Variants in GRIK3 observed in about 807,000 individuals in gnomAD.
The protein encoded by GRIK3 is glutamate ionotropic receptor kainate type subunit 3, also known as glutamate receptor ionotropic, kainate 3.
In GRIK3, 29 loss-of-function variants were observed where a neutral mutation model predicts 102.5. The ratio of observed to expected loss-of-function variants is 0.28; its 90% CI spans 0.21 to 0.39. The LOEUF is 0.39. GRIK3 is among the 10% of genes least tolerant of loss of function. The probability of loss-of-function intolerance (pLI) is 1.00; values close to 1 mark genes in which losing one functional copy is unlikely to be tolerated. For synonymous variants in GRIK3, 511 were observed against 504.9 expected, an observed-to-expected ratio of 1.01 and a Z score of -0.16; for missense variants, 908 against 1,252.4, an observed-to-expected ratio of 0.73 and a Z score of 4.15.
At chr1:36,853,573 C>A in intron 8 of GRIK3, 42 bp downstream of exon 8, 1 of 1,300,008 alleles carries the variant, frequency 7.7e-7, no homozygotes, top group Non-Finnish European at 1.1e-6. Context: ...TTTAAGAAGC[C>A]CCTGCTCCTC....
At position 36,880,645 on chromosome 1, in the gene GRIK3, T is replaced by C. The variant is rs758034243; in HGVS notation, c.539A>G (p.Asp180Gly). The C allele has an allele frequency of 3.1e-6, 5 of 1,614,118 alleles. No homozygotes were observed. In the Admixed American group the frequency reaches 5.0e-5, roughly 16 times the overall value. ...LKWRSATVVYDDSTGLIRLQE... is the reference protein window; with the variant it reads ...LKWRSATVVYGDSTGLIRLQE... ...GCCTGGCCACCCACCTGTACTGTCG[T>C]CATAGACCACGGTGGCTGACCGCCA... Residue 180 changes from aspartate to glycine, a missense_variant, in exon 3 of 16, where the codon GAC becomes GGC. Transcript: ENST00000373091. The surrounding 1 kb of genome is among the most constrained non-coding windows in gnomAD (Gnocchi z 5.4).
intron 1 of GRIK3, among the ~76,000 whole-genome samples, chr1:37,006,257 G>T (rs1642531955): frequency 6.6e-6 from 1 of 152,224 alleles, no homozygotes; most frequent in Non-Finnish European, 1.5e-5. Context: ...GTTGACTGGG[G>T]CAGAGCTTCT....
Position 36,819,897 on chromosome 1 carries a change from G to A in GRIK3, c.1755-43C>T. 1.0e-6 allele frequency: 1 copy of A among 1,001,442 alleles called. No individual in the cohort carries two copies. The highest frequency in any genetic ancestry group is 1.9e-5 in the Admixed American group (1 of 51,896). The allele number at this position is 1,001,442 out of a possible 1,614,324, so 62.0% of individuals were successfully genotyped here. ...GGACAGTCAGCCTGGGAAGCAAGGGGCATCCACGCCCCAGCAGGCAGTGGT... is the reference window on the plus strand; with the variant it reads ...GGACAGTCAGCCTGGGAAGCAAGGGACATCCACGCCCCAGCAGGCAGTGGT... On this transcript the variant is annotated intron_variant, in intron 11 of 15. Coordinates refer to ENST00000373091, the MANE Select transcript of GRIK3 (RefSeq NM_000831.4). This position sits in a 1 kb window ranked among gnomAD's most constrained non-coding sequence, Gnocchi z 4.1.
intron 1 of GRIK3, among the ~76,000 whole-genome samples, chr1:37,028,851 G>A (rs866275782): frequency 1.3e-5 from 2 of 152,220 alleles, no homozygotes; most frequent in Admixed American, 6.5e-5. Flanking sequence ...TCTGTAGGTT[G>A]TGAAGGCTAC....
chr1:36,976,769 A>AGTCCCAAAGCACCAGAGCT (rs753978930), intron 1 of GRIK3, among the ~76,000 whole-genome samples: 2 of 152,142 alleles, frequency 1.3e-5, no homozygotes, highest in Admixed American at 6.5e-5. Context: ...ATACCAGCAC[A>AGTCCCAAAGCACCAGAGCT]GTCCCAAAGC....
At chr1:36,915,404 T>C (rs921878636) in intron 1 of GRIK3, among the ~76,000 whole-genome samples, 1 of 152,174 alleles carries the variant, frequency 6.6e-6, no homozygotes, top group African/African-American at 2.4e-5. Context: ...TCAATAAACA[T>C]TTCTCAAATA....
chr1:36,950,299 T>G (rs142013225), intron 1 of GRIK3, among the ~76,000 whole-genome samples: 1 of 152,340 alleles, frequency 6.6e-6, no homozygotes, highest in East Asian at 1.9e-4. Flanking sequence ...ACAAAATGCA[T>G]GTCCATTGAA....
Position 36,806,112 on chromosome 1 carries a change from G to A in GRIK3, c.2306C>T (p.Thr769Met), listed in dbSNP as rs763515718. ...GGCAGCCCCTCGCTCACCCATGGGC[G>A]TGCCGATGCCGTAGCCCTTGGAGTC... The part of the protein sequence containing the change: ...LIDSKGYGIG[T>M]PMGSPYRDKI... The change falls in exon 14 of 16, where the codon ACG (threonine) becomes ATG (methionine). Residue 769 changes from threonine (T) to methionine (M), a missense_variant. Thr to Met is a moderately conservative substitution (Grantham distance 81). Coordinates refer to ENST00000373091, the MANE Select transcript of GRIK3 (RefSeq NM_000831.4). The surrounding 1 kb of genome is among the most constrained non-coding windows in gnomAD (Gnocchi z 4.0). 1.1e-5 allele frequency: 18 copies of A among 1,612,660 alleles called. No homozygotes were observed. The highest frequency in any genetic ancestry group is 1.1e-4 in the East Asian group (5 of 44,852).
At chr1:36,993,489 A>C (rs1457411907) in intron 1 of GRIK3, among the ~76,000 whole-genome samples, 1 of 152,212 alleles carries the variant, frequency 6.6e-6, no homozygotes, top group Non-Finnish European at 1.5e-5. Flanking sequence ...TTTTCAATAA[A>C]GCAGGACATT....
chr1:36,856,032 C>T (rs750465977), intron 7 of GRIK3, among the ~76,000 whole-genome samples: 29 of 152,222 alleles, frequency 1.9e-4, no homozygotes, highest in Non-Finnish European at 3.7e-4. Context: ...GTCGGGGAAG[C>T]TTACATGGTG....
chr1:36,917,459 G>C (rs1177451088), intron 1 of GRIK3, among the ~76,000 whole-genome samples: 1 of 152,168 alleles, frequency 6.6e-6, no homozygotes, highest in Non-Finnish European at 1.5e-5. Flanking sequence ...ATATGGTTTG[G>C]CTGTGTCCCC....
intron 1 of GRIK3, among the ~76,000 whole-genome samples, chr1:36,970,796 C>T (rs1026823888): frequency 1.3e-5 from 2 of 152,182 alleles, no homozygotes; most frequent in Non-Finnish European, 2.9e-5. Flanking sequence ...CACAGATTGC[C>T]CTGCAATGTC....
chr1:36,960,189 C>A (rs1037656574), intron 1 of GRIK3, among the ~76,000 whole-genome samples: 2 of 149,148 alleles, frequency 1.3e-5, no homozygotes, highest in Non-Finnish European at 3.0e-5. Context: ...GAGTCTGTGC[C>A]CCCGAGCCTC....
intron 9 of GRIK3, among the ~76,000 whole-genome samples, chr1:36,845,415 G>C (rs1486080502): frequency 6.6e-6 from 1 of 152,140 alleles, no homozygotes; most frequent in South Asian, 2.1e-4. Flanking sequence ...CCGTTGTCAG[G>C]GCTCTTGGTC....
chr1:36,881,536 A>G (rs1040691895), intron 2 of GRIK3, among the ~76,000 whole-genome samples: 10 of 151,972 alleles, frequency 6.6e-5, no homozygotes, highest in African/African-American at 2.4e-4. Flanking sequence ...ATTCATCAAC[A>G]ACTCCTGTGG....
chr1:36,940,578 A>G (rs1273961554), intron 1 of GRIK3, among the ~76,000 whole-genome samples: 2 of 152,214 alleles, frequency 1.3e-5, no homozygotes, highest in African/African-American at 2.4e-5. Flanking sequence ...GAGATATTGC[A>G]TAACACTACG....
intron 1 of GRIK3, among the ~76,000 whole-genome samples, chr1:36,969,594 A>G (rs1211704735): frequency 6.6e-6 from 1 of 152,272 alleles, no homozygotes; most frequent in Non-Finnish European, 1.5e-5. Flanking sequence ...GAGAGAGTAG[A>G]GACCTGCATA....
intron 1 of GRIK3, among the ~76,000 whole-genome samples, chr1:36,964,174 C>A (rs933879349): frequency 6.6e-6 from 1 of 152,226 alleles, no homozygotes; most frequent in African/African-American, 2.4e-5. Context: ...CGAGGTCTGG[C>A]ACAGATGGAC....
At chr1:36,951,360 G>A (rs899036740) in intron 1 of GRIK3, among the ~76,000 whole-genome samples, 5 of 152,232 alleles carry the variant, frequency 3.3e-5, no homozygotes, top group Non-Finnish European at 5.9e-5. Flanking sequence ...TCCTTGGGCC[G>A]AAATCTAGGA....
Sources: allele counts gnomAD v4.1 joint callset (sites outside exome capture counted in the v4.1 genomes callset), GRCh38; gene constraint gnomAD v4.1.1; non-coding constraint Gnocchi (gnomAD v3.1); transcripts MANE v1.5; gene names NCBI Gene and HGNC (gene_info 2026-07-23, HGNC 2026-07-21).